Variants in FER1L6 observed in about 807,000 individuals in gnomAD.
The protein encoded by FER1L6 is fer-1 like family member 6.
A neutral mutation model predicts 219.2 loss-of-function variants in FER1L6; 177 were observed. That is an observed-to-expected ratio of 0.81 (90% CI 0.71 to 0.91). The LOEUF is 0.91. Among genes scored for constraint, FER1L6 ranks in the 40% least tolerant of loss-of-function variants. The probability of loss-of-function intolerance (pLI) is 0.00; values close to 1 mark genes in which losing one functional copy is unlikely to be tolerated. For missense variants in FER1L6, 2,153 were observed against 2,259.9 expected (o/e 0.95, Z 0.96); for synonymous variants, 768 against 824.3 (o/e 0.93, Z 1.17).
chr8:124,092,729 C>T (rs1441020456), intron 34 of FER1L6, among the ~76,000 whole-genome samples: 1 of 152,174 alleles, frequency 6.6e-6, no homozygotes, highest in South Asian at 2.1e-4. Flanking sequence ...AGCATGGTAG[C>T]ATCCGCTTGG....
In FER1L6 at chr8:123,980,775, C is replaced by A. The variant is rs527654182; in HGVS notation, c.1374C>A (p.Thr458=). The A allele has an allele frequency of 3.7e-6, 6 of 1,613,912 alleles. No homozygotes were observed. The South Asian group carries it at 4.4e-5, about 12-fold the overall frequency. The change falls in exon 11 of 41, where the codon ACC becomes ACA. Residue 458 remains threonine, a synonymous_variant. Transcript: ENST00000522917. ...AGGCTTCAAACAAAACTAACTCAAC[C>A]GAGGTGGAGGTGGAATCGTTCGATG... ...SQQASNKTNS[T]EVEVESFDVP...
At chr8:123,916,645 AC>A (rs1049559522) in intron 1 of FER1L6, among the ~76,000 whole-genome samples, 15 of 152,148 alleles carry the variant, frequency 9.9e-5, no homozygotes, top group African/African-American at 3.6e-4. Context: ...GTAGGTAGCA[AC>A]CCTTTTAGTG....
intron 1 of FER1L6, among the ~76,000 whole-genome samples, chr8:123,901,448 C>T (rs1457624902): frequency 6.6e-6 from 1 of 152,100 alleles, no homozygotes; most frequent in South Asian, 2.1e-4. Flanking sequence ...TTCAAAGAAC[C>T]AGCTTTTTGT....
At chr8:123,875,509 A>G (rs1033390449) in intron 1 of FER1L6, among the ~76,000 whole-genome samples, 1 of 152,104 alleles carries the variant, frequency 6.6e-6, no homozygotes, top group Non-Finnish European at 1.5e-5. Flanking sequence ...TTTATCCTTT[A>G]AAGGGGCTTA....
intron 23 of FER1L6, 112 bp downstream of exon 23, chr8:124,060,402 G>A (rs1009775234): frequency 1.4e-6 from 2 of 1,424,622 alleles, no homozygotes; most frequent in East Asian, 4.6e-5. Flanking sequence ...GAAAAAGAAT[G>A]AGCCCTCAAA....
intron 13 of FER1L6, among the ~76,000 whole-genome samples, chr8:124,006,117 A>T (rs1817645217): frequency 6.6e-6 from 1 of 152,196 alleles, no homozygotes; most frequent in Non-Finnish European, 1.5e-5. Flanking sequence ...GAACAGCTGG[A>T]TCTGCAGTTC....
intron 1 of FER1L6, among the ~76,000 whole-genome samples, chr8:123,919,394 T>C (rs1428723694): frequency 1.3e-5 from 2 of 152,218 alleles, no homozygotes; most frequent in Non-Finnish European, 2.9e-5. Context: ...AGGAGGCATA[T>C]GATAAAGGTC....
intron 12 of FER1L6, among the ~76,000 whole-genome samples, chr8:123,993,619 G>A (rs938147178): frequency 4.6e-5 from 7 of 152,078 alleles, no homozygotes; most frequent in Non-Finnish European, 7.4e-5. Flanking sequence ...GGGACTCAAG[G>A]CCTGCTATGT....
In FER1L6 at chr8:124,009,719, G is replaced by T. The variant is rs1817824829; in HGVS notation, c.1701-875G>T. The stretch of plus-strand genomic sequence containing the variant: ...TCGGGAGGTCCAGGAAGGAGCTGGT[G>T]CTGCTGTTCTAGGGTGAGAGTTGAG... On this transcript the variant is annotated intron_variant, in intron 13 of 40. Transcript: ENST00000522917. 1.3e-5 allele frequency among the ~76,000 whole-genome samples: 2 copies of T among 152,140 alleles called. 1 individual carries two copies. Among genetic ancestry groups the T allele is most frequent in the South Asian group, 4.2e-4 (2 of 4,818 alleles).
At chr8:124,006,296 T>C (rs1356653291) in intron 13 of FER1L6, among the ~76,000 whole-genome samples, 1 of 152,182 alleles carries the variant, frequency 6.6e-6, no homozygotes, top group East Asian at 1.9e-4. Flanking sequence ...TCTCAAAGCA[T>C]CCTTGGATGC....
intron 5 of FER1L6, among the ~76,000 whole-genome samples, chr8:123,967,912 C>T (rs781049463): frequency 2.6e-5 from 4 of 151,532 alleles, no homozygotes; most frequent in Admixed American, 6.6e-5. Context: ...GCCGAGATTT[C>T]GCAACTGCAC....
chr8:123,862,920 C>A (rs1816770627), intron 1 of FER1L6, among the ~76,000 whole-genome samples: 1 of 146,426 alleles, frequency 6.8e-6, no homozygotes, highest in African/African-American at 2.7e-5. Context: ...TTGATCCTTT[C>A]AAAAAACCAG....
chr8:124,030,630 C>T (rs992793410), intron 18 of FER1L6, among the ~76,000 whole-genome samples: 1 of 152,120 alleles, frequency 6.6e-6, no homozygotes, highest in Non-Finnish European at 1.5e-5. Flanking sequence ...TCACTCCCAT[C>T]GCCATCCCTA....
In FER1L6 at chr8:124,091,615, G is replaced by C. The variant is rs57134525; in HGVS notation, c.4552+32G>C. ...CCCTGCAAAATATCCTGCTGGTGTT[G>C]CTCTTCTTTTGAAAATCCTGATTCT... On this transcript the variant is annotated intron_variant, in intron 34 of 40. Transcript: ENST00000522917. 7.5e-4 allele frequency: 1,197 copies of C among 1,597,730 alleles called. 8 individuals carry two copies. In the African/African-American group the frequency reaches 0.015, roughly 20 times the overall value.
intron 12 of FER1L6, among the ~76,000 whole-genome samples, chr8:123,988,206 C>T (rs1816688184): frequency 6.6e-6 from 1 of 152,136 alleles, no homozygotes; most frequent in African/African-American, 2.4e-5. Context: ...TATGCCAGTA[C>T]CACACTGTTG....
At chr8:123,956,951 T>A (rs1815047318) in intron 2 of FER1L6, among the ~76,000 whole-genome samples, 1 of 152,196 alleles carries the variant, frequency 6.6e-6, no homozygotes, top group South Asian at 2.1e-4. Context: ...ATCCTCAGTG[T>A]TTATTGAATT....
intron 1 of FER1L6, among the ~76,000 whole-genome samples, chr8:123,953,906 C>A (rs1814896496): frequency 6.6e-6 from 1 of 152,100 alleles, no homozygotes; most frequent in South Asian, 2.1e-4. Context: ...ATAGTGAAAA[C>A]TATTATTGGA....
intron 1 of FER1L6, among the ~76,000 whole-genome samples, chr8:123,892,615 A>G (rs1812669551): frequency 6.6e-6 from 1 of 152,198 alleles, no homozygotes; most frequent in African/African-American, 2.4e-5. Context: ...AGTTGGCCTC[A>G]TGCTATCTCT....
chr8:123,984,332 G>C (rs1816460940), intron 11 of FER1L6: 1 of 152,206 alleles, frequency 6.6e-6, no homozygotes, highest in Non-Finnish European at 1.5e-5. Flanking sequence ...GGGTTTGTTT[G>C]TCTGACTCTG....
Sources: allele counts gnomAD v4.1 joint callset (sites outside exome capture counted in the v4.1 genomes callset), GRCh38; gene constraint gnomAD v4.1.1; transcripts MANE v1.5; gene names NCBI Gene and HGNC (gene_info 2026-07-23, HGNC 2026-07-21).